The following FBXO25 variants were observed in gnomAD, a reference collection of about 807,000 sequenced individuals.
FBXO25 encodes the protein F-box only protein 25.
Under a neutral mutation model 51.9 loss-of-function variants are expected in FBXO25, and 45 were observed. That is an observed-to-expected ratio of 0.87 (90% CI 0.68 to 1.11). The LOEUF (loss-of-function observed/expected upper bound fraction) is 1.11, where lower values mean the gene tolerates loss of function less well. Ranked by LOEUF, FBXO25 falls within the 50% of genes most tolerant of loss-of-function variation. The pLI, the probability that FBXO25 is intolerant of heterozygous loss-of-function variation, is 0.00. For missense variants in FBXO25, 507 were observed against 428.5 expected, an observed-to-expected ratio of 1.18 and a Z score of -1.62; for synonymous variants, 199 against 151.0, an observed-to-expected ratio of 1.32 and a Z score of -2.33.
intron 2 of FBXO25, among the ~76,000 whole-genome samples, chr8:422,424 T>C (rs575908800): frequency 1.3e-5 from 2 of 152,334 alleles, no homozygotes; most frequent in South Asian, 2.1e-4. Context: ...TCTTCTGGCA[T>C]GGGGGGCCAT....
chr8:448,876 C>G (rs184273664), intron 5 of FBXO25, among the ~76,000 whole-genome samples: 1 of 152,070 alleles, frequency 6.6e-6, no homozygotes. Context: ...ATGAGGATTC[C>G]GAAGGAGAGG....
chr8:466,077 A>G (rs1223359052), intron 9 of FBXO25, among the ~76,000 whole-genome samples: 1 of 152,218 alleles, frequency 6.6e-6, no homozygotes, highest in African/African-American at 2.4e-5. Flanking sequence ...GAGTGGTCCC[A>G]TCACAGCTTC....
At chr8:447,868 A>G (rs966240178) in intron 5 of FBXO25, among the ~76,000 whole-genome samples, 2 of 152,202 alleles carry the variant, frequency 1.3e-5, no homozygotes, top group African/African-American at 4.8e-5. Context: ...GGAATTAGGG[A>G]TGCTCAACCT....
At chr8:416,920 A>C (rs1796839441) in intron 2 of FBXO25, among the ~76,000 whole-genome samples, 1 of 152,232 alleles carries the variant, frequency 6.6e-6, no homozygotes, top group Non-Finnish European at 1.5e-5. Flanking sequence ...AGAAATGCTA[A>C]GGATGGGTGG....
At position 413,114 on chromosome 8, in the gene FBXO25, G is replaced by T; in HGVS notation, c.35G>T (p.Gly12Val). 6.2e-7 allele frequency: 1 copy of T among 1,603,062 alleles called. No individual in the cohort carries two copies. Among genetic ancestry groups the T allele is most frequent in the South Asian group, 1.1e-5 (1 of 88,554 alleles). The change falls in exon 2 of 10, where the codon GGA becomes GTA. Residue 12 changes from glycine to valine, a missense_variant. Gly to Val is a moderately radical substitution (Grantham distance 109, BLOSUM62 -3). Coordinates refer to ENST00000350302, the MANE Select transcript of FBXO25 (RefSeq NM_183420.2). ...PFLGQDWRSP[G>V]WSWIKTEDGW... ...TTGGGTCAGGACTGGAGATCTCCTG[G>T]ATGGAGTTGGATTAAGACAGAAGAT...
intron 2 of FBXO25, among the ~76,000 whole-genome samples, chr8:423,891 C>G (rs1797308819): frequency 6.6e-6 from 1 of 152,204 alleles, no homozygotes; most frequent in African/African-American, 2.4e-5. Flanking sequence ...AATGGCTGGA[C>G]TGATTTACAT....
chr8:446,827 A>G (rs1249828885), intron 5 of FBXO25, among the ~76,000 whole-genome samples: 1 of 152,160 alleles, frequency 6.6e-6, no homozygotes, highest in African/African-American at 2.4e-5. Context: ...TTATCATGTA[A>G]TTGTCACATT....
intron 5 of FBXO25, among the ~76,000 whole-genome samples, chr8:439,240 C>A (rs1054947547): frequency 6.6e-6 from 1 of 152,228 alleles, no homozygotes; most frequent in African/African-American, 2.4e-5. Flanking sequence ...CAGCCTGCCC[C>A]CTCGCCCCTC....
chr8:413,753 C>T (rs187382404), intron 2 of FBXO25, among the ~76,000 whole-genome samples: 21 of 152,334 alleles, frequency 1.4e-4, no homozygotes, highest in Admixed American at 1.1e-3. Context: ...TGGTGAGACA[C>T]GACCTGTGTT....
At chr8:467,633 C>T (rs571909304) in intron 9 of FBXO25, 327 of 1,313,576 alleles carry the variant, frequency 2.5e-4, no homozygotes, top group Non-Finnish European at 3.2e-4. Context: ...TGCTTAGATA[C>T]ACTCTGGCTC....
chr8:476,991 C>CGTTTA lies in FBXO25; in HGVS notation c.*8187_*8188insGTTTA, dbSNP rs148072097. The CGTTTA allele has an allele frequency of 0.2, 28,522 of 144,198 alleles. 4,039 individuals carry two copies. The highest frequency in any genetic ancestry group is 0.42 in the African/African-American group (16,376 of 38,750). The allele number at this position is 144,198 out of a possible 1,614,324, so 8.9% of individuals were successfully genotyped here. Reference sequence around the variant, plus strand: ...ACTGTACCTGTTTTTTTGTATATTACATTTTTCATTTACCACAAGATATTT... The same window carrying CGTTTA: ...ACTGTACCTGTTTTTTTGTATATTACGTTTAATTTTTCATTTACCACAAGATATTT... On this transcript the variant is annotated 3_prime_UTR_variant, in exon 10 of 10. Coordinates refer to ENST00000350302, the MANE Select transcript of FBXO25 (RefSeq NM_183420.2).
rs750228863 is a variant in FBXO25 at position 463,066 on chromosome 8, T to C, written c.903T>C (p.Phe301=). 3.1e-6 allele frequency: 5 copies of C among 1,613,908 alleles called. No individual in the cohort carries two copies. Among genetic ancestry groups the C allele is most frequent in the Non-Finnish European group, 4.2e-6 (5 of 1,179,998 alleles). The change falls in exon 9 of 10, where the codon TTT becomes TTC. Residue 301 remains phenylalanine, a synonymous_variant. Transcript: ENST00000350302. ...ATATTGAATGGAAGTTGATGTACTT[T>C]GCACTTCAGAAACATTACCCAGCGA... The part of the protein sequence containing the change: ...KGHIEWKLMY[F]ALQKHYPAKE...
At chr8:453,705 C>G (rs1284237044) in intron 7 of FBXO25, among the ~76,000 whole-genome samples, 2 of 152,140 alleles carry the variant, frequency 1.3e-5, no homozygotes, top group Non-Finnish European at 2.9e-5. Flanking sequence ...TCCCGGATCC[C>G]TGAGAGTGGA....
intron 2 of FBXO25, among the ~76,000 whole-genome samples, chr8:418,333 C>CTTTTTTTTTTTTTTTTTTTTTT (rs1207244013): frequency 6.9e-5 from 5 of 72,336 alleles, no homozygotes; most frequent in Non-Finnish European, 1.0e-4. Context: ...TTTGTTTGTT[C>CTTTTTTTTTTTTTTTTTTTTTT]TTTTTTTTTT....
chr8:446,427 G>T (rs1798742726), intron 5 of FBXO25, among the ~76,000 whole-genome samples: 1 of 152,222 alleles, frequency 6.6e-6, no homozygotes. Context: ...TTATTAAGCA[G>T]TGCTTACGGC....
At chr8:414,462 T>C (rs1796674602) in intron 2 of FBXO25, among the ~76,000 whole-genome samples, 1 of 152,208 alleles carries the variant, frequency 6.6e-6, no homozygotes, top group Non-Finnish European at 1.5e-5. Context: ...TTACAGAATG[T>C]CAATTTAAAA....
At chr8:422,252 G>A (rs1797201876) in intron 2 of FBXO25, among the ~76,000 whole-genome samples, 1 of 152,226 alleles carries the variant, frequency 6.6e-6, no homozygotes, top group Non-Finnish European at 1.5e-5. Context: ...GCATCATATT[G>A]GCAGCAGGTA....
At chr8:427,614 AT>A (rs967230716) in intron 2 of FBXO25, among the ~76,000 whole-genome samples, 1 of 147,912 alleles carries the variant, frequency 6.8e-6, no homozygotes, top group Non-Finnish European at 1.5e-5. Context: ...GAAATCCAAA[AT>A]CAAGGGCTTG....
intron 4 of FBXO25, chr8:435,385 A>G (rs1324562934): frequency 1.8e-6 from 1 of 542,294 alleles, no homozygotes; most frequent in African/African-American, 2.0e-5. Flanking sequence ...TCATTACTTC[A>G]GCAGGTTGTA....
Sources: gnomAD v4.1 joint callset for allele counts (sites outside exome capture counted in the v4.1 genomes callset) on GRCh38, gnomAD v4.1.1 for gene constraint, MANE v1.5 for transcripts, NCBI Gene and HGNC (gene_info 2026-07-23, HGNC 2026-07-21) for gene names.